The following AMER1 variants were observed in gnomAD, a reference collection of about 807,000 sequenced individuals.
AMER1 encodes APC membrane recruitment protein 1, also known as RP11-403E24.2.
A neutral mutation model predicts 53.0 loss-of-function variants in AMER1; 16 were observed. The observed-to-expected ratio is 0.30, with a 90% CI of 0.20 to 0.46. The LOEUF (loss-of-function observed/expected upper bound fraction) is 0.46. AMER1 is among the 20% of genes least tolerant of loss of function. AMER1 has a pLI of 1.00. For missense variants in AMER1, 947 were observed against 884.9 expected, an observed-to-expected ratio of 1.07 and a Z score of -0.89; for synonymous variants, 354 against 331.9, an observed-to-expected ratio of 1.07 and a Z score of -0.73.
Position 64,189,514 on chromosome X carries a change from G to GTATATATATATATATATA in AMER1, c.*347_*364dup, listed in dbSNP as rs567386357. 2 of 28,073 alleles carry GTATATATATATATATATA rather than the reference G, an allele frequency of 7.1e-5. No individual in the cohort carries two copies. The highest frequency in any genetic ancestry group is 1.1e-4 in the Non-Finnish European group (2 of 18,344). 2.3% of individuals were successfully genotyped at this position (28,073 alleles called of 1,213,427 possible). On this transcript the variant is annotated 3_prime_UTR_variant, in exon 2 of 2. Coordinates refer to ENST00000374869, the MANE Select transcript of AMER1 (RefSeq NM_152424.4). ...TGTGTGTGTGTGTGTGTGTGTGTGTGTATATATATATATATATATATATAT... is the reference window on the plus strand; with the variant it reads ...TGTGTGTGTGTGTGTGTGTGTGTGTGTATATATATATATATATATATATATATATATATATATATATAT...
chrX:64,192,149 C>T lies in AMER1; in HGVS notation c.1138G>A (p.Glu380Lys), dbSNP rs754922124. ...EEMALPDDDD[E>K]EEEEEEEVEL... ...ACCTCTTCTTCCTCTTCTTCCTCCTCGTCATCATCATCTGGCAAGGCCATC... is the reference window on the plus strand; with the variant it reads ...ACCTCTTCTTCCTCTTCTTCCTCCTTGTCATCATCATCTGGCAAGGCCATC... The change falls in exon 2 of 2, where the codon GAG (glutamate) becomes AAG (lysine). Residue 380 changes from glutamate (E) to lysine (K), a missense_variant. Glu to Lys is a moderately conservative substitution (Grantham distance 56, BLOSUM62 1). Transcript: ENST00000374869. 1.1e-5 allele frequency: 13 copies of T among 1,209,054 alleles called. No individual in the cohort carries two copies. The highest frequency in any genetic ancestry group is 3.5e-5 in the South Asian group (2 of 56,711).
rs1022137926 is a variant in AMER1 at position 64,189,130 on chromosome X, C to T, written c.*749G>A. ...AAGCTATGGCAGGACAGTTAAAAGGCCCCCATCTGGTCATGATGCCAAAGT... is the reference window on the plus strand; with the variant it reads ...AAGCTATGGCAGGACAGTTAAAAGGTCCCCATCTGGTCATGATGCCAAAGT... On this transcript the variant is annotated 3_prime_UTR_variant, in exon 2 of 2. Coordinates refer to ENST00000374869, the MANE Select transcript of AMER1 (RefSeq NM_152424.4). The T allele has an allele frequency of 2.9e-5, 23 of 796,934 alleles. No individual in the cohort carries two copies. The highest frequency in any genetic ancestry group is 3.4e-5 in the Non-Finnish European group (23 of 666,715). The allele number at this position is 796,934 out of a possible 1,213,427, so 65.7% of individuals were successfully genotyped here.
chrX:64,205,028 C>T (rs1165340836), intron 1 of AMER1, among the ~76,000 whole-genome samples: 1 of 113,326 alleles, frequency 8.8e-6, no homozygotes, highest in Non-Finnish European at 1.9e-5. Context: ...ACGCCAAAGC[C>T]GGTCTCCGTC....
At position 64,186,900 on chromosome X, in the gene AMER1, C is replaced by T. The variant is rs752870389; in HGVS notation, c.*2979G>A. The T allele has an allele frequency of 1.3e-6, 1 of 772,411 alleles. No individual in the cohort carries two copies. Among genetic ancestry groups the T allele is most frequent in the East Asian group, 9.4e-5 (1 of 10,685 alleles). The allele number at this position is 772,411 out of a possible 1,213,427, so 63.7% of individuals were successfully genotyped here. The stretch of plus-strand genomic sequence containing the variant: ...AGTCTCATCTGGGAATTCTCAGGAT[C>T]ACAGCTGTCTGGCACTAGGCCTATT... On this transcript the variant is annotated 3_prime_UTR_variant, in exon 2 of 2. Coordinates refer to ENST00000374869, the MANE Select transcript of AMER1 (RefSeq NM_152424.4).
At position 64,190,445 on chromosome X, in the gene AMER1, G is replaced by A. The variant is rs1173578961; in HGVS notation, c.2842C>T (p.Leu948Phe). The A allele has an allele frequency of 1.7e-6, 2 of 1,211,917 alleles. No homozygotes were observed. The highest frequency in any genetic ancestry group is 4.3e-5 in the Admixed American group (2 of 46,094). ...GEWSRDSPLS[L>F]YTEPPGAYDW... The stretch of plus-strand genomic sequence containing the variant: ...TAGGCCCCTGGGGGTTCAGTATAGA[G>A]GGAAAGGGGACTGTCTCGGCTCCAT... The change falls in exon 2 of 2, where the codon CTC becomes TTC. Residue 948 changes from leucine to phenylalanine, a missense_variant. By Grantham distance (22) the Leu-to-Phe change is conservative. Transcript: ENST00000374869.
chrX:64,192,413 T>C lies in AMER1; in HGVS notation c.874A>G (p.Lys292Glu), dbSNP rs2147089559. 8.3e-7 allele frequency: 1 copy of C among 1,210,937 alleles called. No homozygotes were observed. Among genetic ancestry groups the C allele is most frequent in the Non-Finnish European group, 1.1e-6 (1 of 895,002 alleles). ...EEPHSPETGE[K>E]VVAGEVNPPN... is the part of the protein sequence containing the mutation. ...GGGTTTACCTCTCCTGCTACTACCT[T>C]CTCCCCTGTTTCTGGGCTATGGGGC... The change falls in exon 2 of 2, where the codon AAG (lysine) becomes GAG (glutamate). Residue 292 changes from lysine (K) to glutamate (E), a missense_variant. Physicochemically the swap from Lys to Glu is moderately conservative, Grantham distance 56. Transcript: ENST00000374869.
At position 64,189,539 on chromosome X, in the gene AMER1, T is replaced by TATATATATATATATATATATATATATA. The variant is rs1930191230; in HGVS notation, c.*339_*340insTATATATATATATATATATATATATAT. On this transcript the variant is annotated 3_prime_UTR_variant, in exon 2 of 2. Transcript: ENST00000374869. Reference sequence around the variant, plus strand: ...GTATATATATATATATATATATATATATATATATATATATATATAATCACT... The same window carrying TATATATATATATATATATATATATATA: ...GTATATATATATATATATATATATATATATATATATATATATATATATATATAATATATATATATATATATAATCACT... 1 of 111,148 alleles carries TATATATATATATATATATATATATATA rather than the reference T, an allele frequency of 9.0e-6. No individual in the cohort carries two copies. The highest frequency in any genetic ancestry group is 1.2e-4 in the African/African-American group (1 of 8,061). The allele number at this position is 111,148 out of a possible 1,213,427, so 9.2% of individuals were successfully genotyped here. A position where few individuals can be genotyped will look rare whatever the true frequency, so the allele number is the denominator to read the frequency against.
In AMER1 at chrX:64,192,523, C is replaced by T. The variant is rs139477886; in HGVS notation, c.764G>A (p.Cys255Tyr). 4.1e-6 allele frequency: 5 copies of T among 1,206,482 alleles called. No homozygotes were observed. Among genetic ancestry groups the T allele is most frequent in the Non-Finnish European group, 4.5e-6 (4 of 893,804 alleles). The change falls in exon 2 of 2, where the codon TGT becomes TAT. Residue 255 changes from cysteine to tyrosine, a missense_variant. Cys to Tyr is a radical substitution (Grantham distance 194, BLOSUM62 -2). Coordinates refer to ENST00000374869, the MANE Select transcript of AMER1 (RefSeq NM_152424.4). ...CTCCATGGGTTTTTCTGGATCTTTA[C>T]AGGCCATTTTCTCAGTAGCTGGTGG... ...PSPPATEKMA[C>Y]KDPEKPMEAC... is the part of the protein sequence containing the mutation.
chrX:64,186,116 T>C lies in AMER1; in HGVS notation c.*3763A>G, dbSNP rs1337297909. On this transcript the variant is annotated 3_prime_UTR_variant, in exon 2 of 2. Transcript: ENST00000374869. ...AATAAAGCCAGAAAATGACAAGCTG[T>C]CTACCAGGTCCCACACGCCTGAGTC... is the stretch of plus-strand genomic sequence containing the variant. 4 of 1,204,657 alleles carry C rather than the reference T, an allele frequency of 3.3e-6. No homozygotes were observed. Among genetic ancestry groups the C allele is most frequent in the Non-Finnish European group, 4.5e-6 (4 of 890,978 alleles).
At chrX:64,196,106 C>T (rs1930361154) in intron 1 of AMER1, among the ~76,000 whole-genome samples, 1 of 112,126 alleles carries the variant, frequency 8.9e-6, no homozygotes, top group African/African-American at 3.2e-5. Context: ...GCCCTTGCTC[C>T]TATGCTCTGT....
chrX:64,192,395 C>A lies in AMER1; in HGVS notation c.892G>T (p.Val298Leu). The A allele has an allele frequency of 8.2e-7, 1 of 1,212,274 alleles. No homozygotes were observed. The highest frequency in any genetic ancestry group is 1.1e-6 in the Non-Finnish European group (1 of 895,571). Residue 298 changes from valine (V) to leucine (L), a missense_variant, in exon 2 of 2, where the codon GTA becomes TTA. Transcript: ENST00000374869. ...ETGEKVVAGEVNPPNGPVGDP... is the reference protein window; with the variant it reads ...ETGEKVVAGELNPPNGPVGDP... ...CCCACAGGGCCATTGGGTGGGTTTA[C>A]CTCTCCTGCTACTACCTTCTCCCCT...
At position 64,193,281 on chromosome X, in the gene AMER1, C is replaced by A. The variant is rs1408167220; in HGVS notation, c.6G>T (p.Glu2Asp). The A allele has an allele frequency of 1.7e-6, 2 of 1,211,666 alleles. No homozygotes were observed. Among genetic ancestry groups the A allele is most frequent in the Admixed American group, 2.2e-5 (1 of 46,037 alleles). ...CCTGAGCAGCTTCATCCTTTTGGGT[C>A]TCCATGATGATGGGGACAACTGAGG... M[E>D]TQKDEAAQAK... is the part of the protein sequence containing the mutation. The change falls in exon 2 of 2, where the codon GAG becomes GAT. Residue 2 changes from glutamate (E) to aspartate (D), a missense_variant. Transcript: ENST00000374869.
At chrX:64,198,905 A>T (rs968682050) in intron 1 of AMER1, among the ~76,000 whole-genome samples, 2 of 112,771 alleles carry the variant, frequency 1.8e-5, no homozygotes, top group East Asian at 5.6e-4. Context: ...AAGATGCAGA[A>T]TTTGAGCTAT....
intron 1 of AMER1, among the ~76,000 whole-genome samples, chrX:64,200,537 CT>C (rs749997339): frequency 1.8e-5 from 2 of 112,164 alleles, no homozygotes; most frequent in African/African-American, 6.5e-5. Context: ...TTTCCCTGTT[CT>C]GGACCTCAGT....
Position 64,193,103 on chromosome X carries a change from C to G in AMER1, c.184G>C (p.Gly62Arg), listed in dbSNP as rs780369368. 4 of 1,210,443 alleles carry G rather than the reference C, an allele frequency of 3.3e-6. No individual in the cohort carries two copies. In the Admixed American group the frequency reaches 8.7e-5, roughly 26 times the overall value. Residue 62 changes from glycine (G) to arginine (R), a missense_variant, in exon 2 of 2, where the codon GGC becomes CGC. Coordinates refer to ENST00000374869, the MANE Select transcript of AMER1 (RefSeq NM_152424.4). Reference sequence around the variant, plus strand: ...GGCAGAGTACAGATACCCTTCTTGCCACCAAAGAGTTTCATGGCAGTTTTC... The same window carrying G: ...GGCAGAGTACAGATACCCTTCTTGCGACCAAAGAGTTTCATGGCAGTTTTC... ...LKKTAMKLFG[G>R]KKGICTLPSF...
rs1930198253 is a variant in AMER1, at chrX:64,189,793, A to C, written c.*86T>G. On this transcript the variant is annotated 3_prime_UTR_variant, in exon 2 of 2. Transcript: ENST00000374869. ...CAAAGGGTTTTCAAGTTAAACAACA[A>C]CCCCCACCCCCCCACCCTTCTGCCC... is the stretch of plus-strand genomic sequence containing the variant. The C allele has an allele frequency of 1.5e-4, 44 of 291,107 alleles. No homozygotes were observed. The East Asian group carries it at 2.0e-3, about 13-fold the overall frequency. 24.0% of individuals were successfully genotyped at this position (291,107 alleles called of 1,213,427 possible).
chrX:64,204,827 A>G (rs1174827335), intron 1 of AMER1, among the ~76,000 whole-genome samples: 1 of 113,536 alleles, frequency 8.8e-6, no homozygotes, highest in African/African-American at 3.2e-5. Flanking sequence ...AGGACCAGCA[A>G]GAGCCCGGCT....
chrX:64,193,421 A>T, intron 1 of AMER1, 37 bp from the exon 2 acceptor site: 1 of 975,361 alleles, frequency 1.0e-6, no homozygotes, highest in Non-Finnish European at 1.4e-6. Context: ...AGAGAGACAG[A>T]TACTAGTGAG....
Position 64,189,273 on chromosome X carries a change from T to C in AMER1, c.*606A>G, listed in dbSNP as rs1930173440. The C allele has an allele frequency of 1.3e-6, 1 of 789,490 alleles. No homozygotes were observed. Among genetic ancestry groups the C allele is most frequent in the Non-Finnish European group, 1.5e-6 (1 of 662,863 alleles). The allele number at this position is 789,490 out of a possible 1,213,427, so 65.1% of individuals were successfully genotyped here. The stretch of plus-strand genomic sequence containing the variant: ...GGCAGCTATGCCAGGCCAAAAGGAA[T>C]AGGGGTGGGGAGGATCTGTACCATA... On this transcript the variant is annotated 3_prime_UTR_variant, in exon 2 of 2. Coordinates refer to ENST00000374869, the MANE Select transcript of AMER1 (RefSeq NM_152424.4).
Sources: allele counts gnomAD v4.1 joint callset (sites outside exome capture counted in the v4.1 genomes callset), GRCh38; gene constraint gnomAD v4.1.1; transcripts MANE v1.5; gene names NCBI Gene and HGNC (gene_info 2026-07-23, HGNC 2026-07-21).